The following GRIN2A variants were observed in gnomAD, a reference collection of about 807,000 sequenced individuals.
GRIN2A encodes glutamate receptor ionotropic, NMDA 2A.
GRIN2A carries 22 observed loss-of-function variants against 113.4 expected under a neutral mutation model. The ratio of observed to expected loss-of-function variants is 0.19; its 90% confidence interval spans 0.14 to 0.28. The LOEUF (loss-of-function observed/expected upper bound fraction) is 0.28. Among genes scored for constraint, GRIN2A ranks in the 10% least tolerant of loss-of-function variants. The pLI, the probability that GRIN2A is intolerant of heterozygous loss-of-function variation, is 1.00. For missense variants in GRIN2A, 1,502 were observed against 1,887.0 expected (o/e 0.80, Z 3.78); for synonymous variants, 827 against 738.4 (o/e 1.12, Z -1.94).
At chr16:9,902,987 G>A (rs1477857893) in intron 3 of GRIN2A, among the ~76,000 whole-genome samples, 1 of 132,718 alleles carries the variant, frequency 7.5e-6, no homozygotes, top group Admixed American at 7.5e-5. Context: ...GTGGGTGGGG[G>A]TGACGGAGTC....
chr16:10,139,311 T>A (rs2049273204), intron 2 of GRIN2A, among the ~76,000 whole-genome samples: 1 of 152,140 alleles, frequency 6.6e-6, no homozygotes, highest in African/African-American at 2.4e-5. Context: ...AACAGGTGTT[T>A]ATTATACCCT....
At chr16:9,817,190 T>C (rs1056682195) in intron 10 of GRIN2A, among the ~76,000 whole-genome samples, 13 of 152,228 alleles carry the variant, frequency 8.5e-5, no homozygotes, top group Non-Finnish European at 1.6e-4. Flanking sequence ...AAAATGTGTT[T>C]CTTCAACTCC....
chr16:9,949,149 T>A (rs542254124), intron 2 of GRIN2A, among the ~76,000 whole-genome samples: 4 of 152,258 alleles, frequency 2.6e-5, no homozygotes, highest in Admixed American at 2.6e-4. Context: ...CTATTGTCAA[T>A]CGTCACCAGG....
intron 2 of GRIN2A, among the ~76,000 whole-genome samples, chr16:10,042,333 C>A (rs894787878): frequency 6.6e-6 from 1 of 152,134 alleles, no homozygotes; most frequent in Non-Finnish European, 1.5e-5. Context: ...TCTTTTGGAT[C>A]ACTCACTCTG....
chr16:9,797,404 A>T (rs1000756571), intron 11 of GRIN2A, among the ~76,000 whole-genome samples: 3 of 152,212 alleles, frequency 2.0e-5, no homozygotes, highest in Non-Finnish European at 4.4e-5. Context: ...CATGCCAGGA[A>T]ACCCCGGGCT....
chr16:9,774,678 C>T (rs1901491541), intron 11 of GRIN2A, among the ~76,000 whole-genome samples: 1 of 152,242 alleles, frequency 6.6e-6, no homozygotes, highest in Non-Finnish European at 1.5e-5. Flanking sequence ...TTTGCTTAAT[C>T]ACTCTAAGCT....
intron 10 of GRIN2A, among the ~76,000 whole-genome samples, chr16:9,820,050 C>T (rs530749577): frequency 1.3e-5 from 2 of 151,676 alleles, no homozygotes; most frequent in Non-Finnish European, 1.5e-5. Flanking sequence ...CATCTGCCCA[C>T]GTTTTCTAAG....
intron 3 of GRIN2A, among the ~76,000 whole-genome samples, chr16:9,924,577 G>C (rs1016685586): frequency 6.6e-6 from 1 of 152,156 alleles, no homozygotes; most frequent in Non-Finnish European, 1.5e-5. Context: ...TTTTTGAACT[G>C]AGGGTTTATA....
At chr16:10,085,914 C>A (rs1233863697) in intron 2 of GRIN2A, among the ~76,000 whole-genome samples, 1 of 152,070 alleles carries the variant, frequency 6.6e-6, no homozygotes, top group African/African-American at 2.4e-5. Flanking sequence ...AAAGTTTATG[C>A]GCTTAACCAC....
Position 9,902,080 on chromosome 16 carries a change from C to T in GRIN2A, c.1008-10980G>A, listed in dbSNP as rs572601365. Among the ~76,000 whole-genome samples the T allele has an allele frequency of 1.9e-4, 28 of 143,896 alleles. No individual in the cohort carries two copies. In the South Asian group the frequency reaches 4.2e-3, roughly 21 times the overall value. 94.4% of individuals were successfully genotyped at this position (143,896 alleles called of 152,430 possible). ...TTTTATAATGGTGTGAAAAGCTATA[C>T]GGGTCAAGAGACTTCTGGTTGTTCA... On this transcript the variant is annotated intron_variant, in intron 3 of 12. Coordinates refer to ENST00000330684, the MANE Select transcript of GRIN2A (RefSeq NM_001134407.3).
At chr16:9,866,910 T>C (rs1172860921) in intron 4 of GRIN2A, among the ~76,000 whole-genome samples, 1 of 152,170 alleles carries the variant, frequency 6.6e-6, no homozygotes, top group Non-Finnish European at 1.5e-5. Context: ...CACTTAGAAC[T>C]GCTTGACTCA....
intron 10 of GRIN2A, among the ~76,000 whole-genome samples, chr16:9,819,521 GAA>G (rs572371350): frequency 7.5e-6 from 1 of 134,182 alleles, no homozygotes; most frequent in Admixed American, 7.5e-5. Flanking sequence ...GACCCTGTCT[GAA>G]AAAAAAAAAA....
chr16:9,817,770 C>A (rs769435540), intron 10 of GRIN2A, among the ~76,000 whole-genome samples: 7 of 152,222 alleles, frequency 4.6e-5, no homozygotes, highest in Non-Finnish European at 8.8e-5. Context: ...CCCACAATTT[C>A]ACTGACCCTG....
intron 2 of GRIN2A, chr16:10,179,534 A>C (rs1178493160): frequency 5.5e-6 from 1 of 180,884 alleles, no homozygotes. Flanking sequence ...ACATTTAATA[A>C]TTTTTAGAAA....
At chr16:9,950,089 T>C (rs1002722185) in intron 2 of GRIN2A, among the ~76,000 whole-genome samples, 20 of 152,124 alleles carry the variant, frequency 1.3e-4, no homozygotes, top group African/African-American at 4.1e-4. Context: ...ACTTGCTCTC[T>C]AGGATTCAGG....
intron 2 of GRIN2A, among the ~76,000 whole-genome samples, chr16:10,069,414 G>T (rs995471183): frequency 1.3e-5 from 2 of 152,204 alleles, no homozygotes; most frequent in African/African-American, 4.8e-5. Flanking sequence ...ACGATTTGAG[G>T]TTGCTGAGAA....
chr16:10,155,313 C>A (rs2049666582), intron 2 of GRIN2A, among the ~76,000 whole-genome samples: 1 of 152,152 alleles, frequency 6.6e-6, no homozygotes, highest in South Asian at 2.1e-4. Context: ...TACCATCCCC[C>A]ATCACAGAAA....
At position 9,763,551 on chromosome 16, in the gene GRIN2A, G is replaced by T. The variant is rs886052554; in HGVS notation, c.3993C>A (p.Val1331=). The part of the protein sequence containing the change: ...EGNFYGSLFS[V]PSSKLSGKKS... ...TTTTCCCCGAGAGTTTGCTTGAGGG[G>T]ACACTAAACAGGCTGCCGTAAAAAT... The change falls in exon 13 of 13, where the codon GTC becomes GTA. Residue 1331 remains valine (V), a synonymous_variant. Transcript: ENST00000330684. The T allele has an allele frequency of 6.2e-7, 1 of 1,613,856 alleles. No homozygotes were observed. The highest frequency in any genetic ancestry group is 1.3e-5 in the African/African-American group (1 of 74,886).
intron 2 of GRIN2A, among the ~76,000 whole-genome samples, chr16:10,067,207 GT>G (rs1282539978): frequency 6.6e-6 from 1 of 151,962 alleles, no homozygotes; most frequent in Non-Finnish European, 1.5e-5. Flanking sequence ...TTCTGAAGCC[GT>G]TTTTTCCCTC....
Sources: allele counts gnomAD v4.1 joint callset (sites outside exome capture counted in the v4.1 genomes callset), GRCh38; gene constraint gnomAD v4.1.1; transcripts MANE v1.5; gene names NCBI Gene and HGNC (gene_info 2026-07-23, HGNC 2026-07-21).